The following SESTD1 variants were observed in gnomAD, a reference collection of about 807,000 sequenced individuals.
SESTD1 encodes the protein SEC14 and spectrin domain containing 1.
Under a neutral mutation model 101.7 loss-of-function variants are expected in SESTD1, and 43 were observed. That is an observed-to-expected ratio of 0.42 (90% CI 0.33 to 0.55). The LOEUF is 0.55. Ranked by LOEUF, SESTD1 falls within the 20% of genes least tolerant of loss-of-function variation. SESTD1 has a pLI of 0.07. For synonymous variants in SESTD1, 283 were observed against 286.8 expected, an observed-to-expected ratio of 0.99 and a Z score of 0.13; for missense variants, 647 against 815.1, an observed-to-expected ratio of 0.79 and a Z score of 2.51.
Position 179,176,585 on chromosome 2 carries a change from C to T in SESTD1, c.165-47G>A, listed in dbSNP as rs527478368. On this transcript the variant is annotated intron_variant, in intron 3 of 17. Coordinates refer to ENST00000428443, the MANE Select transcript of SESTD1 (RefSeq NM_178123.5). ...AAGCATTAAAACAAGCTCCAGATTT[C>T]GTTCTTCATAATTCTAAATAAAGAA... 43 of 1,489,412 alleles carry T rather than the reference C, an allele frequency of 2.9e-5. No homozygotes were observed. The South Asian group carries it at 3.1e-4, about 11-fold the overall frequency. 92.3% of individuals were successfully genotyped at this position (1,489,412 alleles called of 1,614,324 possible). A position where few individuals can be genotyped will look rare whatever the true frequency, so the allele number is the denominator to read the frequency against.
chr2:179,185,482 A>G (rs2046199930), intron 2 of SESTD1, among the ~76,000 whole-genome samples: 1 of 141,162 alleles, frequency 7.1e-6, no homozygotes, highest in Non-Finnish European at 1.5e-5. Context: ...ATTACTTATC[A>G]TATATACAAT....
chr2:179,179,387 A>G (rs1200618048), intron 3 of SESTD1, among the ~76,000 whole-genome samples: 1 of 152,200 alleles, frequency 6.6e-6, no homozygotes, highest in Non-Finnish European at 1.5e-5. Context: ...TAAAACAGCT[A>G]TGTAAACGTG....
chr2:179,240,094 A>C (rs1413150820), intron 1 of SESTD1, among the ~76,000 whole-genome samples: 1 of 152,228 alleles, frequency 6.6e-6, no homozygotes, highest in East Asian at 1.9e-4. Flanking sequence ...CAAATTGATC[A>C]AGGTCATGGT....
At position 179,149,365 on chromosome 2, in the gene SESTD1, T is replaced by C. The variant is rs778491686; in HGVS notation, c.513A>G (p.Thr171=). The change falls in exon 7 of 18, where the codon ACA becomes ACG. Residue 171 remains threonine, a synonymous_variant. Transcript: ENST00000428443. ...LVFEKFTKES[T]SLLDELALIN... is the part of the protein sequence containing the mutation. ...TCAAAGCAAGTTCATCTAATAATGA[T>C]GTAGATTCCTTTGTAAACTTCTCAA... 7 of 1,606,808 alleles carry C rather than the reference T, an allele frequency of 4.4e-6. No individual in the cohort carries two copies. The highest frequency in any genetic ancestry group is 5.9e-6 in the Non-Finnish European group (7 of 1,178,032).
chr2:179,178,533 A>C (rs2046051161), intron 3 of SESTD1, among the ~76,000 whole-genome samples: 2 of 152,184 alleles, frequency 1.3e-5, no homozygotes, highest in Non-Finnish European at 2.9e-5. Flanking sequence ...TGTGGGCTCA[A>C]GTAATGAGGG....
intron 2 of SESTD1, among the ~76,000 whole-genome samples, chr2:179,186,016 T>C (rs913033032): frequency 6.9e-6 from 1 of 144,496 alleles, no homozygotes; most frequent in Non-Finnish European, 1.5e-5. Flanking sequence ...ATATACAATA[T>C]AGTATATTAC....
intron 9 of SESTD1, among the ~76,000 whole-genome samples, chr2:179,137,032 T>C (rs2045161514): frequency 6.6e-6 from 1 of 152,192 alleles, no homozygotes; most frequent in Admixed American, 6.5e-5. Flanking sequence ...TAAACAAGTC[T>C]ATTTAAATGC....
intron 1 of SESTD1, among the ~76,000 whole-genome samples, chr2:179,259,001 C>T (rs2047441009): frequency 6.6e-6 from 1 of 152,140 alleles, no homozygotes; most frequent in Non-Finnish European, 1.5e-5. Context: ...CCTTGGTATT[C>T]CCTGTACATA....
At chr2:179,144,149 T>C (rs940608326) in intron 8 of SESTD1, among the ~76,000 whole-genome samples, 1 of 152,040 alleles carries the variant, frequency 6.6e-6, no homozygotes, top group African/African-American at 2.4e-5. Flanking sequence ...ATTTTTGTTA[T>C]TGGTGAATTC....
chr2:179,232,320 T>C (rs1407761822), intron 1 of SESTD1, among the ~76,000 whole-genome samples: 6 of 152,022 alleles, frequency 3.9e-5, no homozygotes, highest in Non-Finnish European at 7.4e-5. Context: ...TTTATATCAA[T>C]AGTAAATTCA....
At chr2:179,237,416 C>G (rs1474504485) in intron 1 of SESTD1, among the ~76,000 whole-genome samples, 1 of 152,046 alleles carries the variant, frequency 6.6e-6, no homozygotes, top group Non-Finnish European at 1.5e-5. Flanking sequence ...CTGGCCCTTC[C>G]CACATTTCCA....
In SESTD1 at chr2:179,102,576, CAGT is replaced by C. The variant is rs1197178303; in HGVS notation, c.*7320_*7322del. On this transcript the variant is annotated 3_prime_UTR_variant, in exon 18 of 18. Transcript: ENST00000428443. The stretch of plus-strand genomic sequence containing the variant: ...ATGTGTGGAACATTATAAGGATTTA[CAGT>C]AGAAGCCAAATTTCCCAGCCCTTAA... 3.3e-5 allele frequency: 5 copies of C among 152,058 alleles called. No individual in the cohort carries two copies. Among genetic ancestry groups the C allele is most frequent in the Non-Finnish European group, 7.4e-5 (5 of 68,010 alleles). 9.4% of individuals were successfully genotyped at this position (152,058 alleles called of 1,614,324 possible). A position where few individuals can be genotyped will look rare whatever the true frequency, so the allele number is the denominator to read the frequency against.
rs941368731 is a variant in SESTD1 at position 179,105,891 on chromosome 2, T to C, written c.*4008A>G. The C allele has an allele frequency of 7.2e-5, 11 of 152,318 alleles. 1 individual carries two copies. Among genetic ancestry groups the C allele is most frequent in the African/African-American group, 2.4e-4 (10 of 41,572 alleles). The allele number at this position is 152,318 out of a possible 1,614,324, so 9.4% of individuals were successfully genotyped here. A position where few individuals can be genotyped will look rare whatever the true frequency, so the allele number is the denominator to read the frequency against. On this transcript the variant is annotated 3_prime_UTR_variant, in exon 18 of 18. Coordinates refer to ENST00000428443, the MANE Select transcript of SESTD1 (RefSeq NM_178123.5). ...TTCTTGTTTTAGCTGGTATGTTCTT[T>C]CCTCTACAAGTACTGCCATTATTTA...
chr2:179,170,285 A>C (rs1470889989), intron 5 of SESTD1, among the ~76,000 whole-genome samples: 15 of 152,130 alleles, frequency 9.9e-5, no homozygotes. Context: ...AGAGAATGAC[A>C]AGGCAAACAA....
Position 179,104,289 on chromosome 2 carries a change from T to G in SESTD1, c.*5610A>C, listed in dbSNP as rs2044333959. On this transcript the variant is annotated 3_prime_UTR_variant, in exon 18 of 18. Transcript: ENST00000428443. Reference sequence around the variant, plus strand: ...AAGTGGTATTTCGATCCTTTCACCTTTACAAAATACAATACATATATTTTG... The same window carrying G: ...AAGTGGTATTTCGATCCTTTCACCTGTACAAAATACAATACATATATTTTG... The G allele has an allele frequency of 6.6e-6, 1 of 152,114 alleles. No individual in the cohort carries two copies. Among genetic ancestry groups the G allele is most frequent in the Admixed American group, 6.6e-5 (1 of 15,256 alleles). 9.4% of individuals were successfully genotyped at this position (152,114 alleles called of 1,614,324 possible).
intron 1 of SESTD1, among the ~76,000 whole-genome samples, chr2:179,198,109 A>T (rs2046434373): frequency 6.6e-6 from 1 of 152,198 alleles, no homozygotes; most frequent in Non-Finnish European, 1.5e-5. Flanking sequence ...AAAAGGATGG[A>T]GGAAGATCTA....
chr2:179,231,949 A>T (rs1295220403), intron 1 of SESTD1, among the ~76,000 whole-genome samples: 3 of 152,140 alleles, frequency 2.0e-5, no homozygotes, highest in Non-Finnish European at 4.4e-5. Flanking sequence ...ACTTTTAAAA[A>T]GCAGAAACTA....
At chr2:179,171,703 G>A (rs758343952) in intron 5 of SESTD1, among the ~76,000 whole-genome samples, 21 of 152,046 alleles carry the variant, frequency 1.4e-4, no homozygotes, top group Non-Finnish European at 2.4e-4. Flanking sequence ...GGAAAGAATG[G>A]ATAACTGTGT....
At chr2:179,200,269 A>G (rs188966553) in intron 1 of SESTD1, among the ~76,000 whole-genome samples, 2,483 of 152,318 alleles carry the variant, frequency 0.016, 33 homozygotes, top group Non-Finnish European at 0.028. Context: ...ATGAAATAAA[A>G]GAGGATACAA....
Sources: allele counts gnomAD v4.1 joint callset (sites outside exome capture counted in the v4.1 genomes callset), GRCh38; gene constraint gnomAD v4.1.1; transcripts MANE v1.5; gene names NCBI Gene and HGNC (gene_info 2026-07-23, HGNC 2026-07-21).